DENND5B: variants seen among roughly 807,000 people sequenced by gnomAD.
The protein encoded by DENND5B is DENN domain-containing protein 5B.
Under a neutral mutation model 140.6 loss-of-function variants are expected in DENND5B, and 34 were observed. That is an observed-to-expected ratio of 0.24 (90% CI 0.18 to 0.32). The LOEUF is 0.32. DENND5B is among the 10% of genes least tolerant of loss of function. DENND5B has a pLI of 1.00. For missense variants in DENND5B, 1,142 were observed against 1,560.2 expected (o/e 0.73, Z 4.52); for synonymous variants, 551 against 562.1 (o/e 0.98, Z 0.28).
intron 1 of DENND5B, among the ~76,000 whole-genome samples, chr12:31,542,237 G>A (rs556409513): frequency 4.1e-4 from 61 of 150,084 alleles, no homozygotes; most frequent in Middle Eastern, 3.4e-3. Flanking sequence ...GCAGTGAGCC[G>A]AGATCGCACC....
intron 1 of DENND5B, among the ~76,000 whole-genome samples, chr12:31,526,500 A>G (rs189071386): frequency 3.3e-5 from 5 of 152,228 alleles, no homozygotes; most frequent in African/African-American, 4.8e-5. Context: ...TCCTTCCTTT[A>G]GAAATATTCA....
chr12:31,422,056 C>T (rs530165932), intron 11 of DENND5B, among the ~76,000 whole-genome samples: 1 of 152,158 alleles, frequency 6.6e-6, no homozygotes, highest in East Asian at 1.9e-4. Flanking sequence ...AGGTTTCTAA[C>T]AATAAATACT....
In DENND5B at chr12:31,459,198, C is replaced by T. The variant is rs989565162; in HGVS notation, c.1092+996G>A. 2.2e-5 allele frequency among the ~76,000 whole-genome samples: 3 copies of T among 134,342 alleles called. No individual in the cohort carries two copies. In the South Asian group the frequency reaches 7.4e-4, roughly 33 times the overall value. The allele number at this position is 134,342 out of a possible 152,430, so 88.1% of individuals were successfully genotyped here. ...AGCCTGGGCAACAAGAGCGAAACTC[C>T]ATCTCAAAAGAAAAGAAAAAAAAAA... On this transcript the variant is annotated intron_variant, in intron 4 of 20. Coordinates refer to ENST00000389082, the MANE Select transcript of DENND5B (RefSeq NM_144973.4).
intron 1 of DENND5B, among the ~76,000 whole-genome samples, chr12:31,530,213 A>T (rs1318578185): frequency 6.6e-6 from 1 of 152,138 alleles, no homozygotes; most frequent in African/African-American, 2.4e-5. Context: ...TCTCTACTAA[A>T]AATACAAAAA....
intron 19 of DENND5B, 62 bp from the exon 20 acceptor site, chr12:31,389,560 C>T: frequency 2.1e-6 from 3 of 1,453,956 alleles, no homozygotes; most frequent in Non-Finnish European, 2.8e-6. Context: ...TAGAAAGATT[C>T]ATCACTTAAT....
intron 5 of DENND5B, among the ~76,000 whole-genome samples, chr12:31,450,875 C>T (rs1944482851): frequency 6.6e-6 from 1 of 152,006 alleles, no homozygotes; most frequent in African/African-American, 2.4e-5. Flanking sequence ...TACTATACAA[C>T]CCTAAGTGCA....
At chr12:31,514,094 C>T (rs1947526526) in intron 1 of DENND5B, among the ~76,000 whole-genome samples, 1 of 149,898 alleles carries the variant, frequency 6.7e-6, no homozygotes, top group Non-Finnish European at 1.5e-5. Context: ...AATCCTCCCA[C>T]CTCAGCCTCA....
Position 31,504,558 on chromosome 12 carries a change from T to G in DENND5B, c.128-8639A>C, listed in dbSNP as rs190736805. ...GATTTATGAACCTTGGGGGCTGTTT[T>G]TCAGCCTGATCATCATGGTTAAATA... On this transcript the variant is annotated intron_variant, in intron 1 of 20. Transcript: ENST00000389082. Among the ~76,000 whole-genome samples the G allele has an allele frequency of 5.4e-4, 82 of 152,276 alleles. 1 individual carries two copies. The East Asian group carries it at 0.013, about 25-fold the overall frequency.
chr12:31,502,427 C>T (rs1220737638), intron 1 of DENND5B, among the ~76,000 whole-genome samples: 1 of 152,122 alleles, frequency 6.6e-6, no homozygotes, highest in African/African-American at 2.4e-5. Flanking sequence ...ATACTGATAT[C>T]CCATTTCGTC....
rs1350509472 is a variant in DENND5B at position 31,522,734 on chromosome 12, G to A, written c.128-26815C>T. Among the ~76,000 whole-genome samples, 5 of 152,144 alleles carry A rather than the reference G, an allele frequency of 3.3e-5. No individual in the cohort carries two copies. The East Asian group carries it at 9.6e-4, about 29-fold the overall frequency. Reference sequence around the variant, plus strand: ...GGACTACAGGTGAGCGACTGCACACGGCCTTTTTTAACCTTTAACTCTCCA... The same window carrying A: ...GGACTACAGGTGAGCGACTGCACACAGCCTTTTTTAACCTTTAACTCTCCA... On this transcript the variant is annotated intron_variant, in intron 1 of 20. Coordinates refer to ENST00000389082, the MANE Select transcript of DENND5B (RefSeq NM_144973.4).
chr12:31,388,115 G>T (rs1940935570), intron 20 of DENND5B, among the ~76,000 whole-genome samples: 1 of 123,632 alleles, frequency 8.1e-6, no homozygotes, highest in Admixed American at 9.5e-5. Context: ...GAAAGAGGCA[G>T]AATGTCATTT....
intron 1 of DENND5B, among the ~76,000 whole-genome samples, chr12:31,498,393 TTC>T (rs1163420419): frequency 7.2e-5 from 11 of 152,198 alleles, no homozygotes; most frequent in African/African-American, 2.7e-4. Context: ...AATATAATTG[TTC>T]TGTTAACTAA....
At chr12:31,589,187 A>C (rs1364555872) in intron 1 of DENND5B, among the ~76,000 whole-genome samples, 1 of 152,226 alleles carries the variant, frequency 6.6e-6, no homozygotes, top group Non-Finnish European at 1.5e-5. Flanking sequence ...TAGGATCTTT[A>C]GGGAAGAAAG....
At chr12:31,527,021 C>A (rs1353088463) in intron 1 of DENND5B, among the ~76,000 whole-genome samples, 2 of 152,106 alleles carry the variant, frequency 1.3e-5, no homozygotes, top group Non-Finnish European at 1.5e-5. Context: ...ATTCCTGCCA[C>A]CATGGTGCTT....
intron 3 of DENND5B, chr12:31,465,171 A>C (rs1192465992): frequency 6.6e-6 from 1 of 152,254 alleles, no homozygotes; most frequent in Non-Finnish European, 1.5e-5. Flanking sequence ...AGGGCAACAG[A>C]GGGGTCTAGG....
intron 1 of DENND5B, among the ~76,000 whole-genome samples, chr12:31,533,466 T>TGTG (rs1456656049): frequency 6.6e-6 from 1 of 152,214 alleles, no homozygotes; most frequent in African/African-American, 2.4e-5. Flanking sequence ...CCTGAGCCAC[T>TGTG]GTGTGGTTTC....
At chr12:31,553,300 C>T (rs183840661) in intron 1 of DENND5B, among the ~76,000 whole-genome samples, 2 of 152,298 alleles carry the variant, frequency 1.3e-5, no homozygotes, top group African/African-American at 2.4e-5. Context: ...ATCTTTATTT[C>T]TGCCTTCATT....
At chr12:31,516,576 T>G (rs571986322) in intron 1 of DENND5B, among the ~76,000 whole-genome samples, 2 of 152,256 alleles carry the variant, frequency 1.3e-5, no homozygotes, top group East Asian at 3.9e-4. Context: ...CTTTCATCAT[T>G]GATGATAGCA....
At chr12:31,536,912 G>T (rs1948515897) in intron 1 of DENND5B, among the ~76,000 whole-genome samples, 1 of 152,124 alleles carries the variant, frequency 6.6e-6, no homozygotes, top group South Asian at 2.1e-4. Flanking sequence ...CAGGCCAGAA[G>T]AGAGTTGCAT....
Sources: allele counts gnomAD v4.1 joint callset (sites outside exome capture counted in the v4.1 genomes callset), GRCh38; gene constraint gnomAD v4.1.1; transcripts MANE v1.5; gene names NCBI Gene and HGNC (gene_info 2026-07-23, HGNC 2026-07-21).